Variants in LMF1 observed in about 807,000 individuals in gnomAD.
LMF1 encodes the protein transmembrane protein 112.
In LMF1, 68 loss-of-function variants were observed where a neutral mutation model predicts 60.6. That is an observed-to-expected ratio of 1.12 (90% CI 0.92 to 1.37). The LOEUF (loss-of-function observed/expected upper bound fraction) is 1.37, where lower values mean the gene tolerates loss of function less well. Among genes scored for constraint, LMF1 ranks in the 40% most tolerant of loss-of-function variants. The probability of loss-of-function intolerance (pLI) is 0.00; values close to 1 mark genes in which losing one functional copy is unlikely to be tolerated. For synonymous variants in LMF1, 418 were observed against 324.7 expected, an observed-to-expected ratio of 1.29 and a Z score of -3.09; for missense variants, 948 against 767.2, an observed-to-expected ratio of 1.24 and a Z score of -2.78.
intron 4 of LMF1, among the ~76,000 whole-genome samples, chr16:895,217 T>C (rs763186884): frequency 6.6e-6 from 1 of 151,770 alleles, no homozygotes; most frequent in Non-Finnish European, 1.5e-5. Flanking sequence ...GCTGTTGGGA[T>C]GGAATTTCCT....
chr16:977,019 G>A (rs974213211), intron 1 of LMF1: 5 of 454,114 alleles, frequency 1.1e-5, no homozygotes, highest in African/African-American at 1.0e-4. Context: ...AGGACCAGGA[G>A]GACGTCTGGG....
At chr16:932,970 C>T (rs528948022) in intron 3 of LMF1, 3 of 152,344 alleles carry the variant, frequency 2.0e-5, no homozygotes, top group East Asian at 1.9e-4. Context: ...CTCCCACACG[C>T]GTGAGCACTC....
intron 10 of LMF1, chr16:855,088 G>T (rs1223835540): frequency 3.0e-6 from 1 of 335,120 alleles, no homozygotes; most frequent in Admixed American, 4.0e-5. Context: ...CGCCTGGGAA[G>T]GTGGGGAGAG....
At chr16:933,827 G>A (rs2071861470) in intron 3 of LMF1, 4 of 563,842 alleles carry the variant, frequency 7.1e-6, no homozygotes, top group Non-Finnish European at 1.1e-5. Flanking sequence ...GAAGACCTCC[G>A]GTCCCCTCCA....
intron 4 of LMF1, among the ~76,000 whole-genome samples, chr16:894,971 T>C (rs1463678202): frequency 6.6e-6 from 1 of 150,408 alleles, no homozygotes; most frequent in Non-Finnish European, 1.5e-5. Context: ...CGGGGCGGGG[T>C]GGGGATGGCC....
rs28489520 is a variant in LMF1, at chr16:922,729, G to C, written c.514+11515C>G. On this transcript the variant is annotated intron_variant, in intron 3 of 10. Transcript: ENST00000262301. ...CTGTGTGAAAGTCGCCTGGGTTTTC[G>C]GGTGTGATGTGGTGTTGGCGTCGTG... Among the ~76,000 whole-genome samples, 3 of 133,460 alleles carry C rather than the reference G, an allele frequency of 2.2e-5. No homozygotes were observed. In the South Asian group the frequency reaches 8.3e-4, roughly 37 times the overall value. 87.6% of individuals were successfully genotyped at this position (133,460 alleles called of 152,430 possible).
intron 5 of LMF1, among the ~76,000 whole-genome samples, chr16:887,632 G>C (rs1408206486): frequency 6.6e-6 from 1 of 152,188 alleles, no homozygotes; most frequent in Non-Finnish European, 1.5e-5. Context: ...GCCCAGCCCA[G>C]AGAGGGCTGC....
In LMF1 at chr16:898,790, T is replaced by C. The variant is rs182704999; in HGVS notation, c.664-5718A>G. 4.7e-3 allele frequency among the ~76,000 whole-genome samples: 709 copies of C among 152,338 alleles called. 7 individuals carry two copies. The highest frequency in any genetic ancestry group is 8.8e-3 in the Admixed American group (135 of 15,298). On this transcript the variant is annotated intron_variant, in intron 4 of 10. Transcript: ENST00000262301. ...GCCCTAGTCACCATACCATGTAAAT[T>C]CCTCTTGCTGTGATCACGGTTTTAA...
intron 2 of LMF1, chr16:947,361 G>A (rs2072262440): frequency 4.9e-6 from 2 of 405,264 alleles, no homozygotes; most frequent in Non-Finnish European, 1.0e-5. Context: ...GAGGCAGGTG[G>A]TGGAAAAGGT....
At chr16:910,226 C>T (rs2071072449) in intron 4 of LMF1, among the ~76,000 whole-genome samples, 1 of 152,222 alleles carries the variant, frequency 6.6e-6, no homozygotes, top group African/African-American at 2.4e-5. Flanking sequence ...TGAAGCTGAA[C>T]AGGGGGTTGG....
chr16:926,316 C>G (rs531711254), intron 3 of LMF1, among the ~76,000 whole-genome samples: 1 of 151,470 alleles, frequency 6.6e-6, no homozygotes, highest in East Asian at 2.0e-4. Context: ...CATGTATGTG[C>G]GTGTTTGCAT....
intron 2 of LMF1, among the ~76,000 whole-genome samples, chr16:939,531 A>G (rs2072037835): frequency 6.6e-6 from 1 of 152,232 alleles, no homozygotes; most frequent in African/African-American, 2.4e-5. Flanking sequence ...GGAGGTCCAG[A>G]CGGGCGCGTG....
At chr16:902,771 C>T (rs1212069728) in intron 4 of LMF1, among the ~76,000 whole-genome samples, 4 of 118,396 alleles carry the variant, frequency 3.4e-5, no homozygotes. Flanking sequence ...GACCTCTGCA[C>T]TGCCCACAGG....
chr16:914,651 A>C (rs1414700671), intron 3 of LMF1, among the ~76,000 whole-genome samples: 8 of 6,574 alleles, frequency 1.2e-3, no homozygotes, highest in Admixed American at 1.9e-3. Flanking sequence ...CTCCCTCCTC[A>C]TGACCATTGG....
chr16:923,336 G>T (rs12596028), intron 3 of LMF1, among the ~76,000 whole-genome samples: 1,843 of 152,240 alleles, frequency 0.012, 22 homozygotes, highest in South Asian at 0.094. Context: ...CCTCCCCATT[G>T]CGTGGCTTCC....
At chr16:877,623 A>G (rs1218254435) in intron 6 of LMF1, among the ~76,000 whole-genome samples, 2 of 152,346 alleles carry the variant, frequency 1.3e-5, no homozygotes, top group East Asian at 3.9e-4. Flanking sequence ...ACAAAGGAGA[A>G]GTGAATAAAA....
At chr16:896,323 A>G (rs944044476) in intron 4 of LMF1, among the ~76,000 whole-genome samples, 1 of 152,176 alleles carries the variant, frequency 6.6e-6, no homozygotes, top group Non-Finnish European at 1.5e-5. Flanking sequence ...TGGCGGGGCC[A>G]TGTCTGGGTC....
In LMF1 at chr16:962,288, A is replaced by G. The variant is rs973283688; in HGVS notation, c.194-7622T>C. 1.3e-5 allele frequency among the ~76,000 whole-genome samples: 2 copies of G among 152,230 alleles called. No individual in the cohort carries two copies. The highest frequency in any genetic ancestry group is 6.5e-5 in the Admixed American group (1 of 15,286). On this transcript the variant is annotated intron_variant, in intron 1 of 10. Transcript: ENST00000262301. The surrounding 1 kb of genome is among the most constrained non-coding windows in gnomAD (Gnocchi z 4.5). The stretch of plus-strand genomic sequence containing the variant: ...CACGGGATCACGACCCAGAGGGAAA[A>G]TAAATGGGCGTGGGTCCATAGTGAC...
chr16:958,895 C>A (rs9673364), intron 1 of LMF1, among the ~76,000 whole-genome samples: 67 of 148,064 alleles, frequency 4.5e-4, no homozygotes, highest in African/African-American at 1.6e-3. Context: ...AAAAAAAAAA[C>A]CAAAAAAACA....
Sources: gnomAD v4.1 joint callset for allele counts (sites outside exome capture counted in the v4.1 genomes callset) on GRCh38, gnomAD v4.1.1 for gene constraint, Gnocchi (gnomAD v3.1) non-coding constraint, MANE v1.5 for transcripts, NCBI Gene and HGNC (gene_info 2026-07-23, HGNC 2026-07-21) for gene names.